GRM3: variants seen among roughly 807,000 people sequenced by gnomAD.
The protein encoded by GRM3 is glutamate metabotropic receptor 3.
GRM3 carries 26 observed loss-of-function variants against 70.5 expected under a neutral mutation model. That is an observed-to-expected ratio of 0.37 (90% confidence interval 0.27 to 0.51). The LOEUF is 0.51. Among genes scored for constraint, GRM3 ranks in the 20% least tolerant of loss-of-function variants. GRM3 has a pLI of 0.93. For missense variants in GRM3, 859 were observed against 1,123.8 expected (o/e 0.76, Z 3.37); for synonymous variants, 443 against 434.9 (o/e 1.02, Z -0.23).
At chr7:86,645,677 T>C (rs562279183) in intron 1 of GRM3, among the ~76,000 whole-genome samples, 2 of 152,268 alleles carry the variant, frequency 1.3e-5, no homozygotes, top group African/African-American at 4.8e-5. Context: ...TAGGTAAATA[T>C]ATTAAGGAAG....
At chr7:86,748,101 G>A (rs1796148364) in intron 1 of GRM3, among the ~76,000 whole-genome samples, 1 of 151,994 alleles carries the variant, frequency 6.6e-6, no homozygotes, top group African/African-American at 2.4e-5. Context: ...GCAGGAGACA[G>A]CCTGTGGATA....
intron 3 of GRM3, among the ~76,000 whole-genome samples, chr7:86,803,791 T>G (rs1269718167): frequency 6.6e-6 from 1 of 152,106 alleles, no homozygotes; most frequent in Non-Finnish European, 1.5e-5. Flanking sequence ...TCCCTCATGT[T>G]TGATGGCCCA....
At chr7:86,744,839 A>G (rs1796066649) in intron 1 of GRM3, among the ~76,000 whole-genome samples, 1 of 152,078 alleles carries the variant, frequency 6.6e-6, no homozygotes, top group Non-Finnish European at 1.5e-5. Flanking sequence ...CAAAAGATAC[A>G]TGAAAAGCAC....
intron 1 of GRM3, among the ~76,000 whole-genome samples, chr7:86,743,130 T>C (rs1280643998): frequency 6.6e-6 from 1 of 152,190 alleles, no homozygotes; most frequent in Non-Finnish European, 1.5e-5. Context: ...TCGTATCTCT[T>C]TGAAGATGAA....
At chr7:86,719,026 C>G (rs1295356617) in intron 1 of GRM3, among the ~76,000 whole-genome samples, 1 of 151,844 alleles carries the variant, frequency 6.6e-6, no homozygotes, top group Admixed American at 6.6e-5. Context: ...TGGAACAATA[C>G]CTTTAATAAA....
intron 3 of GRM3, among the ~76,000 whole-genome samples, chr7:86,790,500 A>G (rs1319219470): frequency 1.3e-5 from 2 of 152,110 alleles, no homozygotes; most frequent in Non-Finnish European, 2.9e-5. Flanking sequence ...GATAGCCAGG[A>G]TGCCCTTTTA....
chr7:86,749,330 GAGA>G (rs1207903305), intron 1 of GRM3, among the ~76,000 whole-genome samples: 1 of 151,562 alleles, frequency 6.6e-6, no homozygotes, highest in South Asian at 2.1e-4. Flanking sequence ...TGTAGGCTGT[GAGA>G]AGGATGCTTG....
chr7:86,796,919 G>A (rs1310504169), intron 3 of GRM3, among the ~76,000 whole-genome samples: 1 of 152,128 alleles, frequency 6.6e-6, no homozygotes, highest in African/African-American at 2.4e-5. Flanking sequence ...GAGATCTGAA[G>A]GTTTTATAAA....
chr7:86,714,912 A>G (rs990888095), intron 1 of GRM3, among the ~76,000 whole-genome samples: 3 of 152,006 alleles, frequency 2.0e-5, no homozygotes, highest in African/African-American at 7.2e-5. Flanking sequence ...CAACTTTAAA[A>G]TGGTTCTAAA....
Position 86,644,315 on chromosome 7 carries a change from G to A in GRM3, c.-698G>A, listed in dbSNP as rs1354985023. On this transcript the variant is annotated 5_prime_UTR_variant, in exon 1 of 6. Coordinates refer to ENST00000361669, the MANE Select transcript of GRM3 (RefSeq NM_000840.3). ...CCTTATAAGAGGGAGGGTGGGGGAG[G>A]GAAAAGAACGAGAGAGGGAGGAAAG... 4 of 268,062 alleles carry A rather than the reference G, an allele frequency of 1.5e-5. No homozygotes were observed. Among genetic ancestry groups the A allele is most frequent in the Non-Finnish European group, 2.9e-5 (4 of 137,346 alleles). The allele number at this position is 268,062 out of a possible 1,614,324, so 16.6% of individuals were successfully genotyped here.
At chr7:86,800,544 A>G (rs1002201675) in intron 3 of GRM3, among the ~76,000 whole-genome samples, 1 of 152,226 alleles carries the variant, frequency 6.6e-6, no homozygotes, top group Non-Finnish European at 1.5e-5. Flanking sequence ...TATAGAATAA[A>G]TGGATAAATT....
chr7:86,683,959 T>C (rs771821454), intron 1 of GRM3, among the ~76,000 whole-genome samples: 32 of 152,184 alleles, frequency 2.1e-4, no homozygotes, highest in Non-Finnish European at 4.1e-4. Flanking sequence ...CACAACAGAA[T>C]GTAATCTCTC....
Position 86,864,461 on chromosome 7 carries a change from T to C in GRM3, c.*106T>C. ...AGCAAAAGAACAACCCTAGTACCTT[T>C]TTTTAGAAACAGTACGATAAATTAT... On this transcript the variant is annotated 3_prime_UTR_variant, in exon 6 of 6. Transcript: ENST00000361669. 1.2e-6 allele frequency: 1 copy of C among 822,320 alleles called. No individual in the cohort carries two copies. The highest frequency in any genetic ancestry group is 2.2e-6 in the Non-Finnish European group (1 of 460,662). 50.9% of individuals were successfully genotyped at this position (822,320 alleles called of 1,614,324 possible).
intron 5 of GRM3, among the ~76,000 whole-genome samples, chr7:86,858,262 A>T (rs1439853226): frequency 6.6e-6 from 1 of 152,012 alleles, no homozygotes; most frequent in African/African-American, 2.4e-5. Flanking sequence ...GGCCAAGAAC[A>T]TGATATTTTA....
Position 86,685,895 on chromosome 7 carries a change from G to C in GRM3, c.-141+41023G>C, listed in dbSNP as rs1794553926. Among the ~76,000 whole-genome samples the C allele has an allele frequency of 4.9e-5, 6 of 121,630 alleles. No homozygotes were observed. The South Asian group carries it at 1.5e-3, about 31-fold the overall frequency. 79.8% of individuals were successfully genotyped at this position (121,630 alleles called of 152,430 possible). ...ACTCTTAGCCTGGGCAACAGAGAAA[G>C]ACTCTGTCTCCAAAAAAAAAAAAAA... On this transcript the variant is annotated intron_variant, in intron 1 of 5. Coordinates refer to ENST00000361669, the MANE Select transcript of GRM3 (RefSeq NM_000840.3).
intron 3 of GRM3, among the ~76,000 whole-genome samples, chr7:86,836,962 T>C (rs528208092): frequency 1.3e-5 from 2 of 152,224 alleles, no homozygotes; most frequent in South Asian, 2.1e-4. Flanking sequence ...TGTGTTACAA[T>C]GAACTTGAAA....
chr7:86,809,846 T>C (rs1225296508), intron 3 of GRM3, among the ~76,000 whole-genome samples: 2 of 151,948 alleles, frequency 1.3e-5, no homozygotes, highest in Non-Finnish European at 2.9e-5. Context: ...GTACTTTAGA[T>C]TTAAAAAGAA....
In GRM3 at chr7:86,734,391, T is replaced by C. The variant is rs17160941; in HGVS notation, c.-140-30615T>C. Among the ~76,000 whole-genome samples, 1,357 of 152,298 alleles carry C rather than the reference T, an allele frequency of 8.9e-3. 17 individuals are homozygous for C. The highest frequency in any genetic ancestry group is 0.031 in the African/African-American group (1,292 of 41,546). ...CTCAGTCTATCAGTCCTGCTACTTATTAGCAATTCTGCCATTTGAAACTAT... is the reference window on the plus strand; with the variant it reads ...CTCAGTCTATCAGTCCTGCTACTTACTAGCAATTCTGCCATTTGAAACTAT... On this transcript the variant is annotated intron_variant, in intron 1 of 5. Transcript: ENST00000361669.
rs375932723 is a variant in GRM3, at chr7:86,839,344, G to A, written c.1830G>A (p.Ser610=). ...ACAACACACCCTTGGTCAAAGCATC[G>A]GGCCGAGAACTCTGCTACATCTTAT... is the stretch of plus-strand genomic sequence containing the variant. ...KHNNTPLVKA[S]GRELCYILLF... Residue 610 remains serine, a synonymous_variant, in exon 4 of 6, where the codon TCG becomes TCA. Transcript: ENST00000361669. The surrounding 1 kb of genome is among the most constrained non-coding windows in gnomAD (Gnocchi z 4.5). The A allele has an allele frequency of 5.6e-5, 91 of 1,613,802 alleles. No homozygotes were observed. The highest frequency in any genetic ancestry group is 1.1e-4 in the East Asian group (5 of 44,892).
Sources: gnomAD v4.1 joint callset for allele counts (sites outside exome capture counted in the v4.1 genomes callset) on GRCh38, gnomAD v4.1.1 for gene constraint, Gnocchi (gnomAD v3.1) non-coding constraint, MANE v1.5 for transcripts, NCBI Gene and HGNC (gene_info 2026-07-23, HGNC 2026-07-21) for gene names.